RBFOX1: variants seen among roughly 807,000 people sequenced by gnomAD.
RBFOX1 encodes the protein RNA binding protein fox-1 homolog 1.
Under a neutral mutation model 57.7 loss-of-function variants are expected in RBFOX1, and 8 were observed. That is an observed-to-expected ratio of 0.14 (90% CI 0.08 to 0.25). The LOEUF (loss-of-function observed/expected upper bound fraction) is 0.25. RBFOX1 is among the 10% of genes least tolerant of loss of function. The pLI is 1.00. For synonymous variants in RBFOX1, 326 were observed against 222.4 expected, an observed-to-expected ratio of 1.47 and a Z score of -4.15; for missense variants, 611 against 548.5, an observed-to-expected ratio of 1.11 and a Z score of -1.14.
chr16:6,874,184 C>CAT, intron 3 of RBFOX1, among the ~76,000 whole-genome samples: 1 of 151,414 alleles, frequency 6.6e-6, no homozygotes, highest in Admixed American at 6.6e-5. Context: ...TGTGTGCATA[C>CAT]ACACACAAAC....
chr16:7,079,451 A>C (rs966426173), intron 4 of RBFOX1, among the ~76,000 whole-genome samples: 10 of 152,182 alleles, frequency 6.6e-5, no homozygotes, highest in Non-Finnish European at 1.5e-4. Flanking sequence ...GTGTACCTGC[A>C]TTTTGTCATG....
At chr16:7,118,090 A>G (rs1365700912) in intron 4 of RBFOX1, among the ~76,000 whole-genome samples, 1 of 152,146 alleles carries the variant, frequency 6.6e-6, no homozygotes, top group Non-Finnish European at 1.5e-5. Context: ...TTGGGTAGAT[A>G]ACCAGTAGTG....
At chr16:6,203,868 T>C (rs2097234319) in intron 1 of RBFOX1, among the ~76,000 whole-genome samples, 1 of 152,172 alleles carries the variant, frequency 6.6e-6, no homozygotes, top group Non-Finnish European at 1.5e-5. Flanking sequence ...TTTCATCTAT[T>C]GTGTATCTCA....
chr16:6,083,761 G>T (rs1295700194), intron 1 of RBFOX1, among the ~76,000 whole-genome samples: 1 of 152,120 alleles, frequency 6.6e-6, no homozygotes, highest in African/African-American at 2.4e-5. Context: ...ATAAGTGTGA[G>T]CCACCAGACC....
At chr16:7,162,603 C>T (rs895537411) in intron 4 of RBFOX1, among the ~76,000 whole-genome samples, 2 of 151,098 alleles carry the variant, frequency 1.3e-5, no homozygotes, top group African/African-American at 4.9e-5. Context: ...CAGGTACGCG[C>T]CTGTAATCCC....
At chr16:6,256,245 A>ATG (rs368347653) in intron 1 of RBFOX1, among the ~76,000 whole-genome samples, 9 of 79,494 alleles carry the variant, frequency 1.1e-4, no homozygotes, top group Non-Finnish European at 1.8e-4. Context: ...GTATATATAT[A>ATG]TGTATATATA....
chr16:5,902,945 C>G (rs1225260736), intron 4 of RBFOX1, among the ~76,000 whole-genome samples: 2 of 152,136 alleles, frequency 1.3e-5, no homozygotes, highest in Admixed American at 6.6e-5. Flanking sequence ...TTGCCCTTGT[C>G]TCTACTACAG....
intron 1 of RBFOX1, among the ~76,000 whole-genome samples, chr16:6,174,697 T>A (rs1038123227): frequency 7.2e-5 from 11 of 152,222 alleles, no homozygotes; most frequent in African/African-American, 2.7e-4. Flanking sequence ...TGATTCTTCA[T>A]TCTTTTCAAG....
chr16:7,662,767 A>T (rs774335594), intron 12 of RBFOX1, among the ~76,000 whole-genome samples: 1 of 152,224 alleles, frequency 6.6e-6, no homozygotes, highest in Non-Finnish European at 1.5e-5. Flanking sequence ...AGTGTTAAGC[A>T]TGATGCCACC....
chr16:7,681,433 A>G (rs571801365), intron 14 of RBFOX1, among the ~76,000 whole-genome samples: 5 of 152,312 alleles, frequency 3.3e-5, no homozygotes, highest in Non-Finnish European at 7.4e-5. Flanking sequence ...GTTGATTTCC[A>G]TTAGCGCAGG....
At chr16:6,947,831 C>T (rs1277824362) in intron 3 of RBFOX1, among the ~76,000 whole-genome samples, 2 of 152,170 alleles carry the variant, frequency 1.3e-5, no homozygotes, top group Non-Finnish European at 2.9e-5. Context: ...AGCTGCAGTG[C>T]AGTCGTGCAA....
At chr16:6,647,173 C>G (rs2098540866) in intron 2 of RBFOX1, among the ~76,000 whole-genome samples, 1 of 150,626 alleles carries the variant, frequency 6.6e-6, no homozygotes, top group Admixed American at 6.6e-5. Context: ...CTTACGCTAC[C>G]AGAGAGAGAG....
rs1567303729 is a variant in RBFOX1, at chr16:6,450,830, T to TAC, written c.-64+133774_-64+133775insCA. Reference sequence around the variant, plus strand: ...ATATATATATATACATATATATATATATATATGTGTATATATATATATATA... The same window carrying TAC: ...ATATATATATATACATATATATATATACATATATGTGTATATATATATATATA... On this transcript the variant is annotated intron_variant, in intron 2 of 15. Transcript: ENST00000550418. Among the ~76,000 whole-genome samples, 74 of 42,868 alleles carry TAC rather than the reference T, an allele frequency of 1.7e-3. 11 individuals are homozygous for TAC. The highest frequency in any genetic ancestry group is 9.5e-3 in the African/African-American group (72 of 7,542). The allele number at this position is 42,868 out of a possible 152,430, so 28.1% of individuals were successfully genotyped here. A position where few individuals can be genotyped will look rare whatever the true frequency, so the allele number is the denominator to read the frequency against.
chr16:6,846,294 A>G (rs372693511), intron 3 of RBFOX1, among the ~76,000 whole-genome samples: 1 of 152,144 alleles, frequency 6.6e-6, no homozygotes, highest in East Asian at 1.9e-4. Flanking sequence ...CCGTGTCATC[A>G]AGAAACATGG....
chr16:5,624,445 C>A (rs2048289283), intron 3 of RBFOX1, among the ~76,000 whole-genome samples: 1 of 152,212 alleles, frequency 6.6e-6, no homozygotes, highest in Non-Finnish European at 1.5e-5. Context: ...GATCCGCCCG[C>A]CTCGGCCTCC....
intron 3 of RBFOX1, chr16:6,704,470 C>G (rs1478374630): frequency 1.3e-5 from 2 of 152,346 alleles, no homozygotes; most frequent in African/African-American, 4.8e-5. Flanking sequence ...TTCCTCTTCA[C>G]AGCAGGCTGA....
intron 4 of RBFOX1, among the ~76,000 whole-genome samples, chr16:7,188,255 C>A (rs1030413987): frequency 2.5e-4 from 38 of 152,164 alleles, no homozygotes; most frequent in African/African-American, 8.0e-4. Context: ...TCCATGGCTG[C>A]AGAGATGGAA....
chr16:5,945,417 T>C (rs575651170), intron 4 of RBFOX1, among the ~76,000 whole-genome samples: 12 of 152,328 alleles, frequency 7.9e-5, no homozygotes, highest in African/African-American at 2.6e-4. Flanking sequence ...TTGGCCATGA[T>C]TGTGAATGTC....
chr16:7,477,425 G>A (rs2062971525), intron 4 of RBFOX1, among the ~76,000 whole-genome samples: 1 of 152,140 alleles, frequency 6.6e-6, no homozygotes, highest in African/African-American at 2.4e-5. Context: ...GGGTGGTTGT[G>A]CATCTGGTTT....
Sources: gnomAD v4.1 joint callset for allele counts (sites outside exome capture counted in the v4.1 genomes callset) on GRCh38, gnomAD v4.1.1 for gene constraint, MANE v1.5 for transcripts, NCBI Gene and HGNC (gene_info 2026-07-23, HGNC 2026-07-21) for gene names.